TRAF5: variants seen among roughly 807,000 people sequenced by gnomAD.
The protein encoded by TRAF5 is TNF receptor associated factor 5.
In TRAF5, 48 loss-of-function variants were observed where a neutral mutation model predicts 64.5. That is an observed-to-expected ratio of 0.74 (90% CI 0.59 to 0.95). TRAF5 has a LOEUF of 0.95. Among genes scored for constraint, TRAF5 ranks in the 40% least tolerant of loss-of-function variants. The probability of loss-of-function intolerance (pLI) is 0.00; values close to 1 mark genes in which losing one functional copy is unlikely to be tolerated. For synonymous variants in TRAF5, 206 were observed against 240.5 expected (o/e 0.86, Z 1.33); for missense variants, 545 against 662.8 (o/e 0.82, Z 1.95).
intron 1 of TRAF5, among the ~76,000 whole-genome samples, chr1:211,333,282 G>A (rs896512462): frequency 4.6e-5 from 7 of 152,174 alleles, no homozygotes; most frequent in East Asian, 1.9e-4. Context: ...TCCGCCTCCC[G>A]GGTTCAAGCG....
Position 211,361,157 on chromosome 1 carries a change from G to T in TRAF5, c.691G>T (p.Val231Leu). ...TCCTTTTAAGCACTATGGCTGTGCT[G>T]TAACGGTATGGAATGACTTTTTGTT... Reference protein sequence around the residue: ...DCPFKHYGCAVTDKRRNLQQH... With the variant: ...DCPFKHYGCALTDKRRNLQQH... The change falls in exon 7 of 11, where the codon GTA becomes TTA. Residue 231 changes from valine (V) to leucine (L), a missense_variant. Val to Leu is a conservative substitution (Grantham distance 32). Coordinates refer to ENST00000261464, the MANE Select transcript of TRAF5 (RefSeq NM_001033910.3). 6.2e-7 allele frequency: 1 copy of T among 1,614,094 alleles called. No individual in the cohort carries two copies.
intron 5 of TRAF5, chr1:211,360,430 G>A: frequency 2.0e-6 from 1 of 502,940 alleles, no homozygotes; most frequent in Non-Finnish European, 3.5e-6. Flanking sequence ...CCTTTTACAT[G>A]TCCCGAAGGA....
At chr1:211,347,788 C>T (rs1006884836) in intron 1 of TRAF5, among the ~76,000 whole-genome samples, 3 of 152,236 alleles carry the variant, frequency 2.0e-5, no homozygotes, top group African/African-American at 7.2e-5. Flanking sequence ...GGTGCTGGAG[C>T]AGCTCTTACT....
intron 1 of TRAF5, among the ~76,000 whole-genome samples, chr1:211,329,848 CAG>C (rs928147836): frequency 6.6e-6 from 1 of 152,178 alleles, no homozygotes; most frequent in African/African-American, 2.4e-5. Context: ...AGGGAGTCCT[CAG>C]AGCTGGCAGG....
intron 1 of TRAF5, among the ~76,000 whole-genome samples, chr1:211,335,921 A>G (rs1378872468): frequency 3.9e-5 from 6 of 152,024 alleles, no homozygotes; most frequent in Admixed American, 3.9e-4. Context: ...GGCCCCATGC[A>G]GGGAGATTTG....
At chr1:211,347,368 G>A (rs1485119430) in intron 1 of TRAF5, among the ~76,000 whole-genome samples, 3 of 152,152 alleles carry the variant, frequency 2.0e-5, no homozygotes, top group Non-Finnish European at 4.4e-5. Context: ...AGAAGGAGAC[G>A]GATCCTGCCC....
chr1:211,332,244 A>G (rs897732814), intron 1 of TRAF5, among the ~76,000 whole-genome samples: 5 of 152,200 alleles, frequency 3.3e-5, no homozygotes, highest in African/African-American at 1.2e-4. Flanking sequence ...CACAGGAAAA[A>G]ATAAAACAGA....
intron 1 of TRAF5, among the ~76,000 whole-genome samples, chr1:211,333,274 C>T (rs1002380501): frequency 1.3e-4 from 20 of 152,120 alleles, no homozygotes; most frequent in African/African-American, 3.6e-4. Flanking sequence ...CTGCAACCTC[C>T]GCCTCCCGGG....
In TRAF5 at chr1:211,360,687, C is replaced by T; in HGVS notation, c.544-15C>T. 1 of 1,607,986 alleles carries T rather than the reference C, an allele frequency of 6.2e-7. No individual in the cohort carries two copies. Among genetic ancestry groups the T allele is most frequent in the Non-Finnish European group, 8.5e-7 (1 of 1,174,568 alleles). On this transcript the variant is annotated splice_polypyrimidine_tract_variant and intron_variant, in intron 5 of 10. Coordinates refer to ENST00000261464, the MANE Select transcript of TRAF5 (RefSeq NM_001033910.3). ...AAAGACAACCCTTTGTTTTATTGCACTTTCTCTATTTCAGAATCATGAGGA... is the reference window on the plus strand; with the variant it reads ...AAAGACAACCCTTTGTTTTATTGCATTTTCTCTATTTCAGAATCATGAGGA...
chr1:211,331,669 C>CTT (rs752490519), intron 1 of TRAF5, among the ~76,000 whole-genome samples: 20 of 145,322 alleles, frequency 1.4e-4, no homozygotes, highest in African/African-American at 4.8e-4. Flanking sequence ...AGCAGGCCAT[C>CTT]TTTTTTTTTT....
intron 1 of TRAF5, among the ~76,000 whole-genome samples, chr1:211,352,231 T>C (rs1426441374): frequency 6.6e-6 from 1 of 152,062 alleles, no homozygotes; most frequent in Non-Finnish European, 1.5e-5. Context: ...GCAAGTCACG[T>C]CTTACATGGA....
At chr1:211,329,254 A>C (rs560053484) in intron 1 of TRAF5, among the ~76,000 whole-genome samples, 1 of 152,346 alleles carries the variant, frequency 6.6e-6, no homozygotes, top group Non-Finnish European at 1.5e-5. Context: ...TGTTTGCTGA[A>C]TCGAATTGAA....
intron 1 of TRAF5, among the ~76,000 whole-genome samples, chr1:211,352,441 T>TA (rs35728825): frequency 0.24 from 18,376 of 75,828 alleles, 2,498 homozygotes; most frequent in African/African-American, 0.42. Context: ...TCACTGTCTC[T>TA]AAAAAAAAAA....
Position 211,326,881 on chromosome 1 carries a change from G to T in TRAF5, c.-10G>T, listed in dbSNP as rs1702029650. ...ACCGGCCTCGCGGAGCCCGCGCGCC[G>T]AGCCCCACGTGAGTCCGGCGGGTCG... On this transcript the variant is annotated 5_prime_UTR_variant, in exon 1 of 11. Transcript: ENST00000261464. This position sits in a 1 kb window ranked among gnomAD's most constrained non-coding sequence, Gnocchi z 5.0. 1.0e-5 allele frequency: 10 copies of T among 985,038 alleles called. No individual in the cohort carries two copies. The Admixed American group carries it at 5.0e-4, about 49-fold the overall frequency. 61.0% of individuals were successfully genotyped at this position (985,038 alleles called of 1,614,324 possible). A position where few individuals can be genotyped will look rare whatever the true frequency, so the allele number is the denominator to read the frequency against.
chr1:211,335,359 C>T (rs1349424513), intron 1 of TRAF5, among the ~76,000 whole-genome samples: 1 of 152,166 alleles, frequency 6.6e-6, no homozygotes, highest in African/African-American at 2.4e-5. Context: ...AACCTATGTA[C>T]ATCTCCTGCA....
intron 6 of TRAF5, 79 bp from the exon 7 acceptor site, chr1:211,361,009 A>G (rs929150324): frequency 6.3e-5 from 91 of 1,448,088 alleles, no homozygotes; most frequent in Non-Finnish European, 8.3e-5. Context: ...CTTCTTCCCA[A>G]GCCACTCTTG....
intron 1 of TRAF5, among the ~76,000 whole-genome samples, chr1:211,345,495 G>A (rs892566192): frequency 6.6e-6 from 1 of 152,098 alleles, no homozygotes; most frequent in Non-Finnish European, 1.5e-5. Flanking sequence ...GGAACCCACC[G>A]AGGGCATGGA....
intron 1 of TRAF5, among the ~76,000 whole-genome samples, chr1:211,335,364 C>T (rs977676483): frequency 2.0e-5 from 3 of 152,132 alleles, no homozygotes; most frequent in African/African-American, 7.2e-5. Context: ...ATGTACATCT[C>T]CTGCAGTATC....
intron 7 of TRAF5, among the ~76,000 whole-genome samples, chr1:211,361,642 T>A (rs1367910782): frequency 6.6e-6 from 1 of 151,240 alleles, no homozygotes; most frequent in East Asian, 1.9e-4. Context: ...TTGGGCACCA[T>A]AGCCTAGCCA....
Sources: allele counts gnomAD v4.1 joint callset (sites outside exome capture counted in the v4.1 genomes callset), GRCh38; gene constraint gnomAD v4.1.1; non-coding constraint Gnocchi (gnomAD v3.1); transcripts MANE v1.5; gene names NCBI Gene and HGNC (gene_info 2026-07-23, HGNC 2026-07-21).